RSPH4A: variants seen among roughly 807,000 people sequenced by gnomAD.
RSPH4A encodes the protein radial spoke head protein 4 homolog A.
Under a neutral mutation model 71.0 loss-of-function variants are expected in RSPH4A, and 47 were observed. The ratio of observed to expected loss-of-function variants is 0.66; its 90% confidence interval spans 0.52 to 0.84. The LOEUF is 0.84. Ranked by LOEUF, RSPH4A falls within the 40% of genes least tolerant of loss-of-function variation. The pLI, the probability that RSPH4A is intolerant of heterozygous loss-of-function variation, is 0.00. For synonymous variants in RSPH4A, 282 were observed against 302.3 expected (o/e 0.93, Z 0.70); for missense variants, 793 against 855.2 (o/e 0.93, Z 0.91).
intron 1 of RSPH4A, among the ~76,000 whole-genome samples, chr6:116,621,272 T>A (rs1775603233): frequency 6.6e-6 from 1 of 152,204 alleles, no homozygotes; most frequent in Non-Finnish European, 1.5e-5. Flanking sequence ...AGGAATTTTA[T>A]ATTCTTCAAA....
intron 5 of RSPH4A, among the ~76,000 whole-genome samples, chr6:116,631,748 G>A (rs1195288289): frequency 2.0e-5 from 3 of 152,178 alleles, no homozygotes; most frequent in Non-Finnish European, 4.4e-5. Context: ...CAAGTCTGAT[G>A]TGCCAGGTAA....
chr6:116,620,292 T>C (rs918828859), intron 1 of RSPH4A, among the ~76,000 whole-genome samples: 1 of 152,248 alleles, frequency 6.6e-6, no homozygotes, highest in Non-Finnish European at 1.5e-5. Flanking sequence ...AATTTAATTT[T>C]ATTTCCAAAT....
chr6:116,622,554 CAAGTTATTG>C (rs1175358251), intron 1 of RSPH4A, among the ~76,000 whole-genome samples: 1 of 152,148 alleles, frequency 6.6e-6, no homozygotes, highest in Non-Finnish European at 1.5e-5. Flanking sequence ...CTGAAGACTT[CAAGTTATTG>C]AAGTTCCTTA....
At position 116,632,816 on chromosome 6, in the gene RSPH4A, C is replaced by T. The variant is rs1203435223; in HGVS notation, c.*375C>T. The T allele has an allele frequency of 8.7e-5, 19 of 217,408 alleles. No homozygotes were observed. The East Asian group carries it at 1.9e-3, about 21-fold the overall frequency. The allele number at this position is 217,408 out of a possible 1,614,324, so 13.5% of individuals were successfully genotyped here. A position where few individuals can be genotyped will look rare whatever the true frequency, so the allele number is the denominator to read the frequency against. On this transcript the variant is annotated 3_prime_UTR_variant, in exon 6 of 6. Coordinates refer to ENST00000229554, the MANE Select transcript of RSPH4A (RefSeq NM_001010892.3). ...ATGGTCTCAGGTTTAATTTGTAATA[C>T]GACAAACACTGGAAGATATAACCCA... is the stretch of plus-strand genomic sequence containing the variant.
intron 1 of RSPH4A, among the ~76,000 whole-genome samples, chr6:116,617,961 A>G (rs1238763216): frequency 6.9e-6 from 1 of 144,150 alleles, no homozygotes; most frequent in Non-Finnish European, 1.6e-5. Flanking sequence ...ACATGTATAG[A>G]TTTCTATAGA....
At chr6:116,626,502 C>T (rs895493721) in intron 2 of RSPH4A, among the ~76,000 whole-genome samples, 19 of 152,044 alleles carry the variant, frequency 1.2e-4, no homozygotes, top group African/African-American at 4.3e-4. Context: ...CCACCACACC[C>T]GGCTGACTTT....
chr6:116,630,667 GTTTTTT>G (rs11459167), intron 5 of RSPH4A, 115 bp downstream of exon 5: 38 of 251,548 alleles, frequency 1.5e-4, no homozygotes, highest in Admixed American at 1.1e-3. Flanking sequence ...TTTTTTTCGT[GTTTTTT>G]TTTTTTTTTT....
Position 116,617,179 on chromosome 6 carries a change from TCAAA to T in RSPH4A, c.559_562del (p.Asn187ValfsTer32). The T allele has an allele frequency of 1.2e-6, 2 of 1,614,038 alleles. No homozygotes were observed. The highest frequency in any genetic ancestry group is 2.2e-5 in the East Asian group (1 of 44,886). The stretch of plus-strand genomic sequence containing the variant: ...ATTTGACGTTTTTCAGGAGGAAGAC[TCAAA>T]CAGTGACTATGATTTACAGCAGCCG... On this transcript the variant is annotated frameshift_variant, in exon 1 of 6. Transcript: ENST00000229554. LOFTEE classifies it high-confidence loss of function.
At chr6:116,620,202 C>T (rs1445597159) in intron 1 of RSPH4A, among the ~76,000 whole-genome samples, 1 of 152,174 alleles carries the variant, frequency 6.6e-6, no homozygotes, top group Non-Finnish European at 1.5e-5. Flanking sequence ...CTTGTGAGTT[C>T]ACTAACAATT....
intron 3 of RSPH4A, 107 bp from the exon 4 acceptor site, chr6:116,629,460 T>G (rs1775756652): frequency 8.7e-7 from 1 of 1,146,458 alleles, no homozygotes; most frequent in Non-Finnish European, 1.3e-6. Context: ...AATGAATAAT[T>G]GATTAAATTC....
chr6:116,630,931 C>A (rs1046068711), intron 5 of RSPH4A, among the ~76,000 whole-genome samples: 16 of 146,054 alleles, frequency 1.1e-4, no homozygotes, highest in Non-Finnish European at 2.2e-4. Flanking sequence ...TCTCATGATC[C>A]GCCCCGCCTC....
At chr6:116,622,714 T>C (rs761698137) in intron 1 of RSPH4A, 54 bp from the exon 2 acceptor site, 56 of 1,180,118 alleles carry the variant, frequency 4.7e-5, no homozygotes, top group Non-Finnish European at 7.0e-5. Flanking sequence ...AGAAAAATGC[T>C]TCTTCAAATG....
intron 2 of RSPH4A, among the ~76,000 whole-genome samples, chr6:116,627,097 C>A (rs987796163): frequency 6.6e-6 from 1 of 152,078 alleles, no homozygotes; most frequent in Non-Finnish European, 1.5e-5. Context: ...TACACATAAA[C>A]AAGGTAGCTA....
At chr6:116,623,034 C>A in intron 2 of RSPH4A, 32 bp downstream of exon 2, 2 of 1,290,956 alleles carry the variant, frequency 1.5e-6, no homozygotes, top group Non-Finnish European at 2.3e-6. Context: ...TAATAATAAA[C>A]CTTAGGATTT....
chr6:116,631,255 G>T (rs2115367174), intron 5 of RSPH4A, among the ~76,000 whole-genome samples: 1 of 152,200 alleles, frequency 6.6e-6, no homozygotes, highest in Non-Finnish European at 1.5e-5. Context: ...ATCATTTCTG[G>T]AGAGAAAGCT....
At chr6:116,625,179 A>C (rs930545661) in intron 2 of RSPH4A, among the ~76,000 whole-genome samples, 2 of 152,210 alleles carry the variant, frequency 1.3e-5, no homozygotes, top group Non-Finnish European at 2.9e-5. Context: ...TTCTTTTGAC[A>C]ACACGATAAA....
intron 5 of RSPH4A, among the ~76,000 whole-genome samples, chr6:116,631,023 ATGTG>A (rs767246300): frequency 6.6e-6 from 1 of 151,568 alleles, no homozygotes; most frequent in Admixed American, 6.6e-5. Flanking sequence ...TTGGCATATT[ATGTG>A]TGTGTGGCAT....
At chr6:116,624,566 A>G (rs567221364) in intron 2 of RSPH4A, among the ~76,000 whole-genome samples, 2 of 152,328 alleles carry the variant, frequency 1.3e-5, no homozygotes, top group East Asian at 3.9e-4. Flanking sequence ...TTGACTTTAA[A>G]GCCTGGAACA....
Position 116,628,100 on chromosome 6 carries a change from C to A in RSPH4A, c.1393C>A (p.Arg465=). ...AAAAATCAAGAAATTTTTCACTGGGCGATTGGATGCTCCCATCATAAGCTA... is the reference window on the plus strand; with the variant it reads ...AAAAATCAAGAAATTTTTCACTGGGAGATTGGATGCTCCCATCATAAGCTA... ...ARKIKKFFTG[R]LDAPIISYPP... Residue 465 remains arginine, a synonymous_variant, in exon 3 of 6, where the codon CGA becomes AGA. Transcript: ENST00000229554. 1 of 1,614,040 alleles carries A rather than the reference C, an allele frequency of 6.2e-7. No individual in the cohort carries two copies.
Sources: gnomAD v4.1 joint callset for allele counts (sites outside exome capture counted in the v4.1 genomes callset) on GRCh38, gnomAD v4.1.1 for gene constraint, MANE v1.5 for transcripts, NCBI Gene and HGNC (gene_info 2026-07-23, HGNC 2026-07-21) for gene names.